The following SMAD5 variants were observed in gnomAD, a reference collection of about 807,000 sequenced individuals.
SMAD5 encodes MAD, mothers against decapentaplegic homolog 5.
SMAD5 carries 9 observed loss-of-function variants against 43.1 expected under a neutral mutation model. The observed-to-expected ratio is 0.21, with a 90% confidence interval of 0.13 to 0.36. SMAD5 has a LOEUF of 0.36. Among genes scored for constraint, SMAD5 ranks in the 10% least tolerant of loss-of-function variants. The probability of loss-of-function intolerance (pLI) is 1.00; values close to 1 mark genes in which losing one functional copy is unlikely to be tolerated. For missense variants in SMAD5, 348 were observed against 574.0 expected (o/e 0.61, Z 4.02); for synonymous variants, 190 against 192.4 (o/e 0.99, Z 0.10).
chr5:136,159,766 C>T (rs918826922), intron 3 of SMAD5, among the ~76,000 whole-genome samples: 1 of 152,156 alleles, frequency 6.6e-6, no homozygotes, highest in African/African-American at 2.4e-5. Flanking sequence ...TATACTAATG[C>T]AGTAGAATGA....
In SMAD5 at chr5:136,177,190, T is replaced by C. The variant is rs574689727; in HGVS notation, c.1255-147T>C. On this transcript the variant is annotated intron_variant, in intron 7 of 7. Transcript: ENST00000545279. The stretch of plus-strand genomic sequence containing the variant: ...TGTCTTTTAATTTCATGGTGAATAC[T>C]AAGACTGGTTTTGTGATAGTTATTC... 1.7e-5 allele frequency: 11 copies of C among 661,452 alleles called. No homozygotes were observed. The African/African-American group carries it at 2.0e-4, about 12-fold the overall frequency. The allele number at this position is 661,452 out of a possible 1,614,324, so 41.0% of individuals were successfully genotyped here. A position where few individuals can be genotyped will look rare whatever the true frequency, so the allele number is the denominator to read the frequency against.
At chr5:136,176,196 G>A (rs1186025274) in intron 7 of SMAD5, among the ~76,000 whole-genome samples, 2 of 151,514 alleles carry the variant, frequency 1.3e-5, no homozygotes, top group Non-Finnish European at 2.9e-5. Context: ...GCTCACACCT[G>A]TAATCCCAGC....
At chr5:136,166,933 A>G (rs541198628) in intron 5 of SMAD5, among the ~76,000 whole-genome samples, 1 of 152,326 alleles carries the variant, frequency 6.6e-6, no homozygotes, top group African/African-American at 2.4e-5. Context: ...CTTGATACTC[A>G]CATTTTCTCA....
intron 3 of SMAD5, among the ~76,000 whole-genome samples, chr5:136,156,879 A>C (rs962285137): frequency 1.3e-5 from 2 of 152,206 alleles, no homozygotes; most frequent in Non-Finnish European, 2.9e-5. Flanking sequence ...GAAAGAGACT[A>C]TAGAGACCTC....
intron 3 of SMAD5, among the ~76,000 whole-genome samples, chr5:136,154,389 C>T (rs1183990257): frequency 6.6e-6 from 1 of 152,098 alleles, no homozygotes; most frequent in South Asian, 2.1e-4. Context: ...TGTAAGCACC[C>T]ATATATCTAC....
chr5:136,181,637 A>C lies in SMAD5; in HGVS notation c.*4157A>C, dbSNP rs1217650868. Reference sequence around the variant, plus strand: ...TGCCTGAATCGAATGTGAGAATTGAAGGCATTTCTTCTGCATAAACAAAGA... The same window carrying C: ...TGCCTGAATCGAATGTGAGAATTGACGGCATTTCTTCTGCATAAACAAAGA... On this transcript the variant is annotated 3_prime_UTR_variant, in exon 8 of 8. Transcript: ENST00000545279. The C allele has an allele frequency of 1.3e-5, 2 of 152,176 alleles. No individual in the cohort carries two copies. The highest frequency in any genetic ancestry group is 2.9e-5 in the Non-Finnish European group (2 of 68,002). The allele number at this position is 152,176 out of a possible 1,614,324, so 9.4% of individuals were successfully genotyped here.
At chr5:136,147,751 A>G (rs1753309091) in intron 1 of SMAD5, 81 bp from the exon 2 acceptor site, 1 of 151,902 alleles carries the variant, frequency 6.6e-6, no homozygotes, top group South Asian at 2.1e-4. Context: ...AGTGCTCAAT[A>G]AATGTTAGTG....
intron 6 of SMAD5, among the ~76,000 whole-genome samples, chr5:136,174,145 A>G (rs922700083): frequency 6.6e-5 from 10 of 152,152 alleles, no homozygotes; most frequent in African/African-American, 2.4e-4. Context: ...AGAACAACCT[A>G]AAAATGGATA....
At chr5:136,137,270 A>ACCCCCCCCCCCCCCCC (rs61537356) in intron 1 of SMAD5, among the ~76,000 whole-genome samples, 1 of 125,218 alleles carries the variant, frequency 8.0e-6, no homozygotes. Flanking sequence ...ATTTTTTGGG[A>ACCCCCCCCCCCCCCCC]CCCCCCCCCG....
intron 7 of SMAD5, 77 bp downstream of exon 7, chr5:136,174,709 T>C (rs1754348202): frequency 2.9e-6 from 3 of 1,035,422 alleles, no homozygotes; most frequent in African/African-American, 3.2e-5. Context: ...TTTTTAAAAA[T>C]TGTTAAATGA....
At chr5:136,164,530 A>G (rs1185038169) in intron 5 of SMAD5, among the ~76,000 whole-genome samples, 3 of 152,146 alleles carry the variant, frequency 2.0e-5, no homozygotes, top group African/African-American at 7.2e-5. Flanking sequence ...CCATTTATAT[A>G]TCTTCTTTGA....
chr5:136,163,767 G>A (rs979366634), intron 5 of SMAD5, among the ~76,000 whole-genome samples: 1 of 152,150 alleles, frequency 6.6e-6, no homozygotes, highest in Non-Finnish European at 1.5e-5. Context: ...GTTCATCCGT[G>A]TTGTAGCATG....
In SMAD5 at chr5:136,154,000, C is replaced by T; in HGVS notation, c.240C>T (p.His80=). The T allele has an allele frequency of 6.2e-7, 1 of 1,609,226 alleles. No homozygotes were observed. The highest frequency in any genetic ancestry group is 8.5e-7 in the Non-Finnish European group (1 of 1,178,324). ...TAGATGGACGCCTGCAGGTTTCTCA[C>T]AGAAAAGGCTTACCCCATGTTATAT... is the stretch of plus-strand genomic sequence containing the variant. ...RSLDGRLQVS[H]RKGLPHVIYC... The change falls in exon 3 of 8, where the codon CAC becomes CAT. Residue 80 remains histidine (H), a synonymous_variant. Transcript: ENST00000545279.
intron 3 of SMAD5, among the ~76,000 whole-genome samples, chr5:136,158,759 C>T (rs1753726938): frequency 2.0e-5 from 3 of 152,100 alleles, no homozygotes; most frequent in African/African-American, 2.4e-5. Context: ...ATTAGCCAGG[C>T]GTGGTGGTCA....
rs1001700600 is a variant in SMAD5 at position 136,177,905 on chromosome 5, T to G, written c.*425T>G. On this transcript the variant is annotated 3_prime_UTR_variant, in exon 8 of 8. Coordinates refer to ENST00000545279, the MANE Select transcript of SMAD5 (RefSeq NM_005903.7). ...CTTCCAGAAGCTGTACTTTTACCAG[T>G]TTCTTTGTCCCACCAACTTAAAAAA... is the stretch of plus-strand genomic sequence containing the variant. The G allele has an allele frequency of 6.5e-6, 1 of 153,522 alleles. No homozygotes were observed. Among genetic ancestry groups the G allele is most frequent in the African/African-American group, 2.4e-5 (1 of 41,458 alleles). The allele number at this position is 153,522 out of a possible 1,614,324, so 9.5% of individuals were successfully genotyped here.
chr5:136,169,529 T>C (rs1754142177), intron 5 of SMAD5, among the ~76,000 whole-genome samples: 1 of 152,268 alleles, frequency 6.6e-6, no homozygotes, highest in South Asian at 2.1e-4. Context: ...GTTCACCTGC[T>C]GAAGAACCTT....
chr5:136,159,757 A>T (rs1295202768), intron 3 of SMAD5, among the ~76,000 whole-genome samples: 1 of 152,224 alleles, frequency 6.6e-6, no homozygotes, highest in Non-Finnish European at 1.5e-5. Context: ...CATATTTAGT[A>T]TACTAATGCA....
chr5:136,152,052 G>A (rs571490629), intron 2 of SMAD5, among the ~76,000 whole-genome samples: 6 of 152,140 alleles, frequency 3.9e-5, no homozygotes, highest in African/African-American at 1.4e-4. Context: ...TGTTTGCCTA[G>A]GAAAAATCAT....
intron 5 of SMAD5, among the ~76,000 whole-genome samples, chr5:136,164,166 A>C (rs1040365972): frequency 1.3e-5 from 2 of 152,250 alleles, no homozygotes; most frequent in South Asian, 4.1e-4. Context: ...ACTGCACTCC[A>C]GTCTGAGCAA....
Sources: allele counts gnomAD v4.1 joint callset (sites outside exome capture counted in the v4.1 genomes callset), GRCh38; gene constraint gnomAD v4.1.1; transcripts MANE v1.5; gene names NCBI Gene and HGNC (gene_info 2026-07-23, HGNC 2026-07-21).